The following PLA2G4F variants were observed in gnomAD, a reference collection of about 807,000 sequenced individuals.
PLA2G4F encodes phospholipase A2 group IVF, also known as cytosolic phospholipase A2 zeta.
A neutral mutation model predicts 103.1 loss-of-function variants in PLA2G4F; 105 were observed. That is an observed-to-expected ratio of 1.02 (90% CI 0.87 to 1.20). The LOEUF (loss-of-function observed/expected upper bound fraction) is 1.20, where lower values mean the gene tolerates loss of function less well. Ranked by LOEUF, PLA2G4F falls within the 50% of genes most tolerant of loss-of-function variation. The pLI, the probability that PLA2G4F is intolerant of heterozygous loss-of-function variation, is 0.00. For missense variants in PLA2G4F, 1,155 were observed against 1,075.9 expected, an observed-to-expected ratio of 1.07 and a Z score of -1.03; for synonymous variants, 468 against 441.1, an observed-to-expected ratio of 1.06 and a Z score of -0.76.
Position 42,155,524 on chromosome 15 carries a change from T to G in PLA2G4F, c.177A>C (p.Thr59=), listed in dbSNP as rs1285244471. The G allele has an allele frequency of 6.2e-7, 1 of 1,614,074 alleles. No individual in the cohort carries two copies. Among genetic ancestry groups the G allele is most frequent in the Admixed American group, 1.7e-5 (1 of 60,014 alleles). Residue 59 remains threonine (T), a synonymous_variant, in exon 2 of 20, where the codon ACA becomes ACC. Transcript: ENST00000397272. The part of the protein sequence containing the change: ...KVLRATNIRG[T]DLLSKADCYV... ...GGAGATGGGGTCACTCACGCAGGTC[T>G]GTGCCCCGGATGTTTGTGGCCCTCA...
At chr15:42,146,319 T>C in intron 13 of PLA2G4F, 78 bp from the exon 14 acceptor site, 1 of 1,343,894 alleles carries the variant, frequency 7.4e-7, no homozygotes, top group Admixed American at 1.8e-5. Context: ...GCCGGCACCC[T>C]GCAAGGCGTG....
At chr15:42,150,804 C>A in intron 7 of PLA2G4F, 27 bp from the exon 8 acceptor site, 2 of 1,595,134 alleles carry the variant, frequency 1.3e-6, no homozygotes, top group African/African-American at 1.3e-5. Flanking sequence ...CAGGTGGGTG[C>A]GCAGGTGAGG....
At chr15:42,153,177 C>G in intron 6 of PLA2G4F, 123 bp downstream of exon 6, 1 of 1,181,712 alleles carries the variant, frequency 8.5e-7, no homozygotes, top group Non-Finnish European at 1.2e-6. Flanking sequence ...GCCTCCCTAG[C>G]ACATCTCCCC....
Position 42,141,331 on chromosome 15 carries a change from A to G in PLA2G4F, c.*653T>C, listed in dbSNP as rs2048825355. ...AGACACGCGCACATCTCCCACCTGGAGCAGCCAGAATGGGACATCACCCCA... is the reference window on the plus strand; with the variant it reads ...AGACACGCGCACATCTCCCACCTGGGGCAGCCAGAATGGGACATCACCCCA... On this transcript the variant is annotated 3_prime_UTR_variant, in exon 20 of 20. Coordinates refer to ENST00000397272, the MANE Select transcript of PLA2G4F (RefSeq NM_213600.4). 1 of 456,580 alleles carries G rather than the reference A, an allele frequency of 2.2e-6. No individual in the cohort carries two copies. Among genetic ancestry groups the G allele is most frequent in the Non-Finnish European group, 4.4e-6 (1 of 226,976 alleles). The allele number at this position is 456,580 out of a possible 1,614,324, so 28.3% of individuals were successfully genotyped here.
intron 17 of PLA2G4F, 126 bp from the exon 18 acceptor site, chr15:42,144,270 GC>G (rs2141126491): frequency 2.1e-6 from 3 of 1,398,076 alleles, no homozygotes; most frequent in Middle Eastern, 2.6e-4. Context: ...GGAGACTCCT[GC>G]CCCAAGCCCT....
rs143663034 is a variant in PLA2G4F at position 42,139,277 on chromosome 15, C to T, written c.*2707G>A. The T allele has an allele frequency of 6.5e-6, 1 of 154,208 alleles. No homozygotes were observed. The highest frequency in any genetic ancestry group is 2.4e-5 in the African/African-American group (1 of 41,538). 9.6% of individuals were successfully genotyped at this position (154,208 alleles called of 1,614,324 possible). On this transcript the variant is annotated 3_prime_UTR_variant, in exon 20 of 20. Transcript: ENST00000397272. The stretch of plus-strand genomic sequence containing the variant: ...TAAGATAAATTCCCCCACACTCCCT[C>T]GTACCTACTCCTTGCCCTCTGCCTC...
intron 7 of PLA2G4F, chr15:42,151,618 G>GCACT: frequency 1.0e-6 from 1 of 985,352 alleles, no homozygotes; most frequent in Non-Finnish European, 1.2e-6. Flanking sequence ...GCCCCTCCTT[G>GCACT]CACTAGATGA....
At position 42,150,482 on chromosome 15, in the gene PLA2G4F, C is replaced by A. The variant is rs778256671; in HGVS notation, c.776G>T (p.Gly259Val). ...LMELLAAVQS[G>V]PSAELEAQTS... ...CTGAGCCTCCAACTCTGCGCTGGGG[C>A]CACTCTGTGGAAAAGAAAACACCCA... The change falls in exon 9 of 20, where the codon GGC (glycine) becomes GTC (valine). Residue 259 changes from glycine (G) to valine (V), a missense_variant. By Grantham distance (109) the Gly-to-Val change is moderately radical. Transcript: ENST00000397272. 1.2e-6 allele frequency: 2 copies of A among 1,611,900 alleles called. No homozygotes were observed. The highest frequency in any genetic ancestry group is 4.5e-5 in the East Asian group (2 of 44,868).
chr15:42,151,499 C>G (rs1402715030), intron 7 of PLA2G4F: 13 of 985,288 alleles, frequency 1.3e-5, no homozygotes, highest in Non-Finnish European at 1.6e-5. Context: ...CGCAGACAGC[C>G]TCCCAGGAGT....
rs1413457130 is a variant in PLA2G4F, at chr15:42,154,951, ACT to A, written c.185-495_185-494del. The stretch of plus-strand genomic sequence containing the variant: ...CACCTACTCTTGCACTCACACACAC[ACT>A]CTTGCACTCATGCACGCACACATGT... On this transcript the variant is annotated intron_variant, in intron 2 of 19. Transcript: ENST00000397272. 2.0e-5 allele frequency among the ~76,000 whole-genome samples: 3 copies of A among 149,280 alleles called. No homozygotes were observed. In the East Asian group the frequency reaches 6.0e-4, roughly 30 times the overall value.
intron 14 of PLA2G4F, 102 bp downstream of exon 14, chr15:42,146,025 C>G: frequency 1.3e-6 from 2 of 1,579,328 alleles, no homozygotes; most frequent in Non-Finnish European, 8.7e-7. Context: ...CTCCAAGGTG[C>G]CTGTGTGCAA....
intron 13 of PLA2G4F, among the ~76,000 whole-genome samples, chr15:42,146,475 T>C (rs2048886299): frequency 1.3e-5 from 2 of 152,218 alleles, no homozygotes; most frequent in Admixed American, 1.3e-4. Flanking sequence ...CCCTCCTTCT[T>C]TACTATTCAA....
intron 18 of PLA2G4F, among the ~76,000 whole-genome samples, chr15:42,142,960 C>T (rs954080939): frequency 1.3e-5 from 2 of 152,028 alleles, no homozygotes; most frequent in Non-Finnish European, 2.9e-5. Flanking sequence ...GCTGGCAGAT[C>T]ATGAGGTCAA....
chr15:42,149,117 C>T (rs2048925620), intron 11 of PLA2G4F: 5 of 985,224 alleles, frequency 5.1e-6, no homozygotes, highest in Non-Finnish European at 6.0e-6. Context: ...TCCCAGGGAC[C>T]CCCCAACCTC....
At position 42,141,213 on chromosome 15, in the gene PLA2G4F, T is replaced by A. The variant is rs1458048471; in HGVS notation, c.*771A>T. 2 of 456,466 alleles carry A rather than the reference T, an allele frequency of 4.4e-6. No individual in the cohort carries two copies. Among genetic ancestry groups the A allele is most frequent in the Non-Finnish European group, 8.8e-6 (2 of 226,934 alleles). The allele number at this position is 456,466 out of a possible 1,614,324, so 28.3% of individuals were successfully genotyped here. ...GACACACCCATTTAGCTCCTAGGAA[T>A]GGTGAGACTATATTTGCATGATGTG... is the stretch of plus-strand genomic sequence containing the variant. On this transcript the variant is annotated 3_prime_UTR_variant, in exon 20 of 20. Coordinates refer to ENST00000397272, the MANE Select transcript of PLA2G4F (RefSeq NM_213600.4).
rs1435955348 is a variant in PLA2G4F, at chr15:42,147,663, T to C, written c.1159A>G (p.Thr387Ala). 4 of 1,613,890 alleles carry C rather than the reference T, an allele frequency of 2.5e-6. No individual in the cohort carries two copies. Among genetic ancestry groups the C allele is most frequent in the Admixed American group, 1.7e-5 (1 of 60,000 alleles). The change falls in exon 12 of 20, where the codon ACT (threonine) becomes GCT (alanine). Residue 387 changes from threonine (T) to alanine (A), a missense_variant. Around this residue, in one of 3 missense-constraint regions of PLA2G4F, gnomAD observed 782 missense variants for 692.9 expected, o/e 1.13. Coordinates refer to ENST00000397272, the MANE Select transcript of PLA2G4F (RefSeq NM_213600.4). ...GAGACCCCACTCAGGTAGGTCACAGTGTCTAGAAGGCCGAGCTCCTGCAAC... is the reference window on the plus strand; with the variant it reads ...GAGACCCCACTCAGGTAGGTCACAGCGTCTAGAAGGCCGAGCTCCTGCAAC... ...AGLQELGLLD[T>A]VTYLSGVSGS...
chr15:42,139,999 T>C lies in PLA2G4F; in HGVS notation c.*1985A>G, dbSNP rs635548. ...ACCCTGGGGCTGCTGATCACATAGC[T>C]GAAGCAGAGACCTTATTGTAAGCAA... On this transcript the variant is annotated 3_prime_UTR_variant, in exon 20 of 20. Transcript: ENST00000397272. The C allele has an allele frequency of 0.41, 62,332 of 152,150 alleles. 13,865 individuals are homozygous for C. Among genetic ancestry groups the C allele is most frequent in the Non-Finnish European group, 0.49 (33,302 of 68,000 alleles). 9.4% of individuals were successfully genotyped at this position (152,150 alleles called of 1,614,324 possible).
chr15:42,153,473 G>T, intron 5 of PLA2G4F, 131 bp from the exon 6 acceptor site: 5 of 1,461,214 alleles, frequency 3.4e-6, no homozygotes, highest in Non-Finnish European at 4.7e-6. Context: ...CGAGCCTGCC[G>T]CCCAACATGC....
In PLA2G4F at chr15:42,139,117, C is replaced by A. The variant is rs1366431207; in HGVS notation, c.*2867G>T. ...GAAGCTGGAGCTGCTTGCTTTTATT[C>A]AGTGCAGGCACAATGCCAAAAGCCT... On this transcript the variant is annotated 3_prime_UTR_variant, in exon 20 of 20. Transcript: ENST00000397272. 3 of 152,292 alleles carry A rather than the reference C, an allele frequency of 2.0e-5. No individual in the cohort carries two copies. The highest frequency in any genetic ancestry group is 7.2e-5 in the African/African-American group (3 of 41,468). 9.4% of individuals were successfully genotyped at this position (152,292 alleles called of 1,614,324 possible).
Sources: gnomAD v4.1 joint callset for allele counts (sites outside exome capture counted in the v4.1 genomes callset) on GRCh38, gnomAD v4.1.1 for gene constraint, gnomAD v4.1.1 regional missense constraint, MANE v1.5 for transcripts, NCBI Gene and HGNC (gene_info 2026-07-23, HGNC 2026-07-21) for gene names.